The following REDIC1 variants were observed in gnomAD, a reference collection of about 807,000 sequenced individuals.
The protein encoded by REDIC1 is HEI10 Interacting Protein 1.
chr12:39,877,325 A>G, the REDIC1 span, among the ~76,000 whole-genome samples: 2 of 152,220 alleles, frequency 1.3e-5, no homozygotes, highest in Admixed American at 1.3e-4. Context: ...AAGAATATGC[A>G]GGGGAACTAC....
the REDIC1 span, among the ~76,000 whole-genome samples, chr12:39,774,041 T>C: frequency 6.6e-6 from 1 of 152,226 alleles, no homozygotes; most frequent in African/African-American, 2.4e-5. Flanking sequence ...AAAACATAGA[T>C]ATCCCTCTAA....
chr12:39,871,563 A>G, the REDIC1 span, among the ~76,000 whole-genome samples: 1,613 of 152,214 alleles, frequency 0.011, 24 homozygotes, highest in African/African-American at 0.035. Flanking sequence ...TACCCTCAGT[A>G]GATCCAAATT....
the REDIC1 span, among the ~76,000 whole-genome samples, chr12:39,712,332 A>T: frequency 9.1e-6 from 1 of 110,398 alleles, no homozygotes; most frequent in Non-Finnish European, 1.9e-5. Flanking sequence ...ACATATGTTT[A>T]TATACCTGTA....
chr12:39,822,389 G>A, the REDIC1 span, among the ~76,000 whole-genome samples: 1 of 152,100 alleles, frequency 6.6e-6, no homozygotes, highest in Non-Finnish European at 1.5e-5. Flanking sequence ...CTATGAAAAT[G>A]TATCTATAAA....
the REDIC1 span, among the ~76,000 whole-genome samples, chr12:39,769,692 G>A: frequency 1.3e-4 from 19 of 151,776 alleles, no homozygotes; most frequent in South Asian, 6.3e-4. Flanking sequence ...GCCCTATTTA[G>A]TTTCATCCTA....
At chr12:39,703,388 G>C in the REDIC1 span, among the ~76,000 whole-genome samples, 1 of 149,730 alleles carries the variant, frequency 6.7e-6, no homozygotes, top group Non-Finnish European at 1.5e-5. Context: ...GGATGTGAAG[G>C]ACCTCTTCAA....
At chr12:39,864,069 G>A in the REDIC1 span, among the ~76,000 whole-genome samples, 52 of 152,172 alleles carry the variant, frequency 3.4e-4, no homozygotes, top group Admixed American at 2.6e-3. Flanking sequence ...AAACTTTGAA[G>A]CTCTGCTGCC....
At chr12:39,879,746 T>C in the REDIC1 span, among the ~76,000 whole-genome samples, 1 of 152,216 alleles carries the variant, frequency 6.6e-6, no homozygotes, top group African/African-American at 2.4e-5. Flanking sequence ...GATGAGATCT[T>C]GAACTTTTGA....
the REDIC1 span, among the ~76,000 whole-genome samples, chr12:39,653,810 G>C: frequency 2.0e-5 from 3 of 152,130 alleles, no homozygotes; most frequent in Admixed American, 1.3e-4. Flanking sequence ...AGGTGTTTTT[G>C]TAAGTGTCCT....
chr12:39,778,249 G>A, the REDIC1 span, among the ~76,000 whole-genome samples: 1 of 152,180 alleles, frequency 6.6e-6, no homozygotes, highest in Non-Finnish European at 1.5e-5. Flanking sequence ...GTCCAGTGAG[G>A]CTGAATGTTT....
At chr12:39,751,173 G>A in the REDIC1 span, among the ~76,000 whole-genome samples, 1 of 152,090 alleles carries the variant, frequency 6.6e-6, no homozygotes, top group Non-Finnish European at 1.5e-5. Context: ...TCTGACAAAG[G>A]GCTAATATCC....
At chr12:39,716,272 T>C in the REDIC1 span, among the ~76,000 whole-genome samples, 1 of 151,962 alleles carries the variant, frequency 6.6e-6, no homozygotes, top group Non-Finnish European at 1.5e-5. Context: ...AATTGTAAAA[T>C]AACAATATTA....
the REDIC1 span, among the ~76,000 whole-genome samples, chr12:39,854,094 A>G: frequency 6.6e-6 from 1 of 151,950 alleles, no homozygotes; most frequent in South Asian, 2.1e-4. Context: ...GATAGTATTG[A>G]CATAAGCAAA....
At chr12:39,870,409 T>C in the REDIC1 span, among the ~76,000 whole-genome samples, 1 of 152,214 alleles carries the variant, frequency 6.6e-6, no homozygotes, top group African/African-American at 2.4e-5. Context: ...GAGAGTTTAC[T>C]ATCCTAATGA....
At chr12:39,881,446 T>C in the REDIC1 span, among the ~76,000 whole-genome samples, 6 of 152,320 alleles carry the variant, frequency 3.9e-5, no homozygotes, top group Admixed American at 3.9e-4. Flanking sequence ...TTCAGTTTAC[T>C]AAAAAAGTGC....
At chr12:39,646,973 A>G in the REDIC1 span, 13 of 917,630 alleles carry the variant, frequency 1.4e-5, no homozygotes, top group Non-Finnish European at 1.8e-5. Flanking sequence ...TACTGGAGAA[A>G]ATTATTTTAA....
the REDIC1 span, among the ~76,000 whole-genome samples, chr12:39,807,112 G>A: frequency 1.3e-3 from 196 of 148,798 alleles, 2 homozygotes; most frequent in African/African-American, 4.7e-3. Context: ...TGGTGGAAAA[G>A]TAATTACAGT....
At chr12:39,886,775 T>C in the REDIC1 span, among the ~76,000 whole-genome samples, 2 of 152,198 alleles carry the variant, frequency 1.3e-5, no homozygotes, top group African/African-American at 4.8e-5. Context: ...TAACGGCTAA[T>C]GGTCATTGAG....
chr12:39,721,543 C>A, the REDIC1 span: 2 of 238,730 alleles, frequency 8.4e-6, no homozygotes, highest in Non-Finnish European at 1.6e-5. Flanking sequence ...CAGTATATTA[C>A]AATGATGCGC....
Sources: gnomAD v4.1 joint callset for allele counts (sites outside exome capture counted in the v4.1 genomes callset) on GRCh38, gnomAD v4.1.1 for gene constraint, MANE v1.5 for transcripts, NCBI Gene and HGNC (gene_info 2026-07-23, HGNC 2026-07-21) for gene names.